The following MVB12B variants were observed in gnomAD, a reference collection of about 807,000 sequenced individuals.
MVB12B encodes the protein ESCRT-I complex subunit MVB12B.
Under a neutral mutation model 41.6 loss-of-function variants are expected in MVB12B, and 16 were observed. The observed-to-expected ratio is 0.38, with a 90% CI of 0.26 to 0.58. MVB12B has a LOEUF of 0.58. Ranked by LOEUF, MVB12B falls within the 20% of genes least tolerant of loss-of-function variation. The probability of loss-of-function intolerance (pLI) is 0.62; values close to 1 mark genes in which losing one functional copy is unlikely to be tolerated. For synonymous variants in MVB12B, 133 were observed against 139.7 expected (o/e 0.95, Z 0.34); for missense variants, 274 against 380.2 (o/e 0.72, Z 2.32).
At chr9:126,441,611 C>T (rs972016229) in intron 7 of MVB12B, among the ~76,000 whole-genome samples, 14 of 152,224 alleles carry the variant, frequency 9.2e-5, no homozygotes, top group South Asian at 2.1e-4. Flanking sequence ...GATGAAAATC[C>T]GCAATTTGCA....
chr9:126,395,757 T>G lies in MVB12B; in HGVS notation c.662+60T>G, dbSNP rs568234579. 3.4e-5 allele frequency: 55 copies of G among 1,598,228 alleles called. No homozygotes were observed. In the African/African-American group the frequency reaches 6.2e-4, roughly 18 times the overall value. ...TGGTCTTAGGTCCCTGCACAACATT[T>G]TAGAACACCACCACTTAGTGTCTGC... On this transcript the variant is annotated intron_variant, in intron 6 of 9. Transcript: ENST00000361171. The surrounding 1 kb of genome is among the most constrained non-coding windows in gnomAD (Gnocchi z 4.9).
At chr9:126,496,534 C>T (rs1302211281) in intron 9 of MVB12B, among the ~76,000 whole-genome samples, 1 of 140,592 alleles carries the variant, frequency 7.1e-6, no homozygotes, top group Non-Finnish European at 1.5e-5. Context: ...ACAGCTGAGG[C>T]TCCACAGCTG....
At chr9:126,495,041 A>G (rs1167220533) in intron 9 of MVB12B, among the ~76,000 whole-genome samples, 3 of 151,928 alleles carry the variant, frequency 2.0e-5, no homozygotes, top group Non-Finnish European at 4.4e-5. Context: ...AAAATACACA[A>G]ATTAGCCAGG....
chr9:126,393,648 G>C (rs915290154), intron 5 of MVB12B, among the ~76,000 whole-genome samples: 3 of 152,232 alleles, frequency 2.0e-5, no homozygotes, highest in East Asian at 1.9e-4. Context: ...AGTCAGAAAG[G>C]GGGTGAGTGG....
intron 1 of MVB12B, among the ~76,000 whole-genome samples, chr9:126,331,824 A>G (rs763999381): frequency 2.4e-4 from 36 of 152,178 alleles, no homozygotes; most frequent in Non-Finnish European, 2.9e-4. Flanking sequence ...TAATAGCATA[A>G]GGAGGCCCCA....
intron 6 of MVB12B, among the ~76,000 whole-genome samples, chr9:126,416,546 G>A (rs1461928956): frequency 6.6e-6 from 1 of 152,110 alleles, no homozygotes; most frequent in African/African-American, 2.4e-5. Flanking sequence ...ATTTCAAAAG[G>A]GCCTTCAGGA....
At position 126,480,045 on chromosome 9, in the gene MVB12B, G is replaced by A. The variant is rs1345365498; in HGVS notation, c.758-1324G>A. ...AGGTTCCAGAGAAGTCATCATTCCAGGAGACACTGGGGGAAGCAAAGATTG... is the reference window on the plus strand; with the variant it reads ...AGGTTCCAGAGAAGTCATCATTCCAAGAGACACTGGGGGAAGCAAAGATTG... On this transcript the variant is annotated intron_variant, in intron 7 of 9. Transcript: ENST00000361171. The surrounding 1 kb of genome is among the most constrained non-coding windows in gnomAD (Gnocchi z 4.9). Among the ~76,000 whole-genome samples the A allele has an allele frequency of 6.6e-6, 1 of 152,172 alleles. No homozygotes were observed. Among genetic ancestry groups the A allele is most frequent in the Non-Finnish European group, 1.5e-5 (1 of 68,032 alleles).
At chr9:126,482,561 C>T (rs1588205338) in intron 8 of MVB12B, among the ~76,000 whole-genome samples, 1 of 150,850 alleles carries the variant, frequency 6.6e-6, no homozygotes, top group African/African-American at 2.5e-5. Flanking sequence ...GGAGAGGCAG[C>T]TCTGTCCTGC....
chr9:126,463,298 G>T (rs139998730), intron 7 of MVB12B, among the ~76,000 whole-genome samples: 1 of 152,254 alleles, frequency 6.6e-6, no homozygotes, highest in Non-Finnish European at 1.5e-5. Flanking sequence ...ACTGTCAGCC[G>T]CATCCAGCTC....
intron 1 of MVB12B, among the ~76,000 whole-genome samples, chr9:126,338,481 A>G (rs1829349443): frequency 6.6e-6 from 1 of 151,948 alleles, no homozygotes; most frequent in Admixed American, 6.6e-5. Flanking sequence ...CAAATAAGAT[A>G]CTGCTTATTC....
chr9:126,440,095 A>G (rs565358999), intron 7 of MVB12B, among the ~76,000 whole-genome samples: 9 of 152,322 alleles, frequency 5.9e-5, no homozygotes, highest in African/African-American at 9.6e-5. Flanking sequence ...GTTTGGACAG[A>G]TGCCTGAGGG....
intron 2 of MVB12B, among the ~76,000 whole-genome samples, chr9:126,380,438 T>G (rs1428109236): frequency 6.6e-6 from 1 of 152,186 alleles, no homozygotes; most frequent in Non-Finnish European, 1.5e-5. Context: ...GAAAATGGCT[T>G]CTTAGTGAGA....
rs1424876292 is a variant in MVB12B at position 126,399,336 on chromosome 9, GC to G, written c.662+3641del. On this transcript the variant is annotated intron_variant, in intron 6 of 9. Coordinates refer to ENST00000361171, the MANE Select transcript of MVB12B (RefSeq NM_033446.3). ...TCTGGCCGCAGGCGCTCCATCCCCT[GC>G]CTGCCTATGTCATGCACGTCGATCA... Among the ~76,000 whole-genome samples the G allele has an allele frequency of 3.9e-5, 6 of 152,342 alleles. No individual in the cohort carries two copies. The South Asian group carries it at 1.0e-3, about 26-fold the overall frequency.
chr9:126,438,479 C>G (rs1270783576), intron 7 of MVB12B, among the ~76,000 whole-genome samples: 2 of 152,264 alleles, frequency 1.3e-5, no homozygotes. Flanking sequence ...TCACCAAGGC[C>G]CTTGTGTTGG....
rs978354211 is a variant in MVB12B, at chr9:126,333,307, G to A, written c.81+6297G>A. Among the ~76,000 whole-genome samples, 20 of 151,702 alleles carry A rather than the reference G, an allele frequency of 1.3e-4. No homozygotes were observed. The highest frequency in any genetic ancestry group is 2.4e-4 in the Non-Finnish European group (16 of 67,882). ...TCACCATATGGGCCAGGCTGGTCTC[G>A]AACTCCTGACCTTGTGATCTGTCCG... On this transcript the variant is annotated intron_variant, in intron 1 of 9. Coordinates refer to ENST00000361171, the MANE Select transcript of MVB12B (RefSeq NM_033446.3). This position sits in a 1 kb window ranked among gnomAD's most constrained non-coding sequence, Gnocchi z 4.7.
chr9:126,330,508 G>C (rs1829100551), intron 1 of MVB12B, among the ~76,000 whole-genome samples: 1 of 152,086 alleles, frequency 6.6e-6, no homozygotes, highest in Non-Finnish European at 1.5e-5. Flanking sequence ...GAATCTCTGG[G>C]GAACGGGACC....
At chr9:126,447,249 C>CTT (rs72294122) in intron 7 of MVB12B, among the ~76,000 whole-genome samples, 79 of 140,124 alleles carry the variant, frequency 5.6e-4, no homozygotes, top group African/African-American at 1.5e-3. Context: ...CCCCAGCCAC[C>CTT]TTTTTTTTTT....
At chr9:126,335,685 A>G (rs1217004559) in intron 1 of MVB12B, among the ~76,000 whole-genome samples, 3 of 152,188 alleles carry the variant, frequency 2.0e-5, no homozygotes, top group African/African-American at 7.2e-5. Context: ...ACCCATTTCC[A>G]GCAGCTACCT....
chr9:126,377,166 T>G (rs1415516551), intron 2 of MVB12B, among the ~76,000 whole-genome samples: 2 of 152,220 alleles, frequency 1.3e-5, no homozygotes, highest in Non-Finnish European at 2.9e-5. Context: ...CATGTGTACA[T>G]TCCGCCACTG....
Sources: gnomAD v4.1 joint callset for allele counts (sites outside exome capture counted in the v4.1 genomes callset) on GRCh38, gnomAD v4.1.1 for gene constraint, Gnocchi (gnomAD v3.1) non-coding constraint, MANE v1.5 for transcripts, NCBI Gene and HGNC (gene_info 2026-07-23, HGNC 2026-07-21) for gene names.